SLC35F4: variants seen among roughly 807,000 people sequenced by gnomAD.
SLC35F4 encodes solute carrier family 35 member F4, also known as chromosome 14 open reading frame 36.
Under a neutral mutation model 44.2 loss-of-function variants are expected in SLC35F4, and 24 were observed. That is an observed-to-expected ratio of 0.54 (90% confidence interval 0.39 to 0.76). The LOEUF (loss-of-function observed/expected upper bound fraction) is 0.76, where lower values mean the gene tolerates loss of function less well. Among genes scored for constraint, SLC35F4 ranks in the 30% least tolerant of loss-of-function variants. The pLI is 0.00. For synonymous variants in SLC35F4, 238 were observed against 223.6 expected, an observed-to-expected ratio of 1.06 and a Z score of -0.57; for missense variants, 562 against 586.1, an observed-to-expected ratio of 0.96 and a Z score of 0.42.
chr14:57,746,894 G>T (rs1336273068), intron 1 of SLC35F4, among the ~76,000 whole-genome samples: 1 of 152,172 alleles, frequency 6.6e-6, no homozygotes, highest in Admixed American at 6.5e-5. Context: ...GGGACCACAT[G>T]TCTGGATTCA....
chr14:57,924,046 T>C (rs570405395), intron 1 of SLC35F4, among the ~76,000 whole-genome samples: 52 of 152,314 alleles, frequency 3.4e-4, no homozygotes, highest in African/African-American at 1.0e-3. Flanking sequence ...GGAGTTTCCC[T>C]GTACAGGCTC....
At chr14:57,918,247 A>C (rs1221262207) in intron 1 of SLC35F4, among the ~76,000 whole-genome samples, 1 of 151,970 alleles carries the variant, frequency 6.6e-6, no homozygotes, top group Non-Finnish European at 1.5e-5. Context: ...CCTTTCTATG[A>C]CTCGGTCTCC....
intron 4 of SLC35F4, chr14:57,580,478 G>T: frequency 2.9e-6 from 1 of 345,984 alleles, no homozygotes; most frequent in East Asian, 8.9e-5. Context: ...GTTCATCATA[G>T]TGGCATGCCG....
intron 1 of SLC35F4, among the ~76,000 whole-genome samples, chr14:57,756,853 G>A (rs1018283538): frequency 4.6e-5 from 7 of 151,636 alleles, no homozygotes; most frequent in Admixed American, 4.6e-4. Flanking sequence ...GTAGAGACAG[G>A]TTTTCACCAT....
At chr14:57,673,932 C>G (rs1427853207) in intron 1 of SLC35F4, among the ~76,000 whole-genome samples, 1 of 151,952 alleles carries the variant, frequency 6.6e-6, no homozygotes, top group Non-Finnish European at 1.5e-5. Flanking sequence ...ATACAGTAAA[C>G]AACCCTCAAA....
chr14:57,857,082 C>T (rs1314757339), intron 1 of SLC35F4, among the ~76,000 whole-genome samples: 1 of 151,934 alleles, frequency 6.6e-6, no homozygotes, highest in African/African-American at 2.4e-5. Context: ...TCGAGACCAG[C>T]CCGGCCAACA....
chr14:57,801,701 G>A (rs1289213144), intron 1 of SLC35F4, among the ~76,000 whole-genome samples: 3 of 152,120 alleles, frequency 2.0e-5, no homozygotes, highest in Non-Finnish European at 2.9e-5. Context: ...TGACAAAACA[G>A]ACATTAAACC....
chr14:57,976,801 G>C (rs1371973089), exon 2 of SLC35F4: 1 of 152,194 alleles, frequency 6.6e-6, no homozygotes, highest in East Asian at 1.9e-4. Context: ...GATCAAAAGA[G>C]GTTCACATTT....
chr14:57,969,657 TA>T (rs1217395400), intron 1 of SLC35F4, among the ~76,000 whole-genome samples: 1 of 152,232 alleles, frequency 6.6e-6, no homozygotes, highest in Non-Finnish European at 1.5e-5. Context: ...CATTCATAGT[TA>T]ACTTATGGCT....
rs546692584 is a variant in SLC35F4, at chr14:57,564,123, A to G, written c.*12T>C. On this transcript the variant is annotated 3_prime_UTR_variant, in exon 8 of 8. Coordinates refer to ENST00000556826, the MANE Select transcript of SLC35F4 (RefSeq NM_001306087.2). Reference sequence around the variant, plus strand: ...GAATATACATACACGTGCATTCAAAATATGTCCCTCTCTAAGCCAGTGGTA... The same window carrying G: ...GAATATACATACACGTGCATTCAAAGTATGTCCCTCTCTAAGCCAGTGGTA... 1.5e-5 allele frequency: 24 copies of G among 1,613,252 alleles called. No individual in the cohort carries two copies. The East Asian group carries it at 4.9e-4, about 33-fold the overall frequency.
intron 5 of SLC35F4, among the ~76,000 whole-genome samples, chr14:57,570,237 G>C (rs535790367): frequency 3.1e-4 from 47 of 152,296 alleles, no homozygotes; most frequent in African/African-American, 1.1e-3. Flanking sequence ...ATTGTGTTTA[G>C]TGCCACCATC....
intron 1 of SLC35F4, among the ~76,000 whole-genome samples, chr14:57,727,696 G>T (rs142035836): frequency 2.1e-4 from 32 of 152,160 alleles, no homozygotes; most frequent in African/African-American, 7.7e-4. Flanking sequence ...TTTATAGTTT[G>T]CAATATCTTG....
chr14:57,798,372 C>T (rs1172636980), intron 1 of SLC35F4, among the ~76,000 whole-genome samples: 2 of 151,996 alleles, frequency 1.3e-5, no homozygotes, highest in Non-Finnish European at 2.9e-5. Flanking sequence ...AAACCATACA[C>T]GAACGACAGC....
intron 1 of SLC35F4, among the ~76,000 whole-genome samples, chr14:57,675,087 A>G (rs1020772772): frequency 1.3e-5 from 2 of 152,092 alleles, no homozygotes; most frequent in African/African-American, 2.4e-5. Context: ...CAGCAAATTC[A>G]TTTATGGTAG....
chr14:57,564,343 T>C lies in SLC35F4; in HGVS notation c.1250A>G (p.Asn417Ser), dbSNP rs569519209. 62 of 1,610,048 alleles carry C rather than the reference T, an allele frequency of 3.9e-5. No individual in the cohort carries two copies. Among genetic ancestry groups the C allele is most frequent in the Admixed American group, 1.5e-4 (9 of 59,420 alleles). Residue 417 changes from asparagine to serine, a missense_variant, in exon 8 of 8, where the codon AAT (asparagine) becomes AGT (serine). Physicochemically the swap from Asn to Ser is conservative, Grantham distance 46. Transcript: ENST00000556826. Reference protein sequence around the residue: ...VDLLKQEVIFNVVRLAATIII... With the variant: ...VDLLKQEVIFSVVRLAATIII... ...GATGGTAGCAGCCAGGCGGACAACA[T>C]TGAATATCACCTCCTGCTTTAGGAG...
intron 1 of SLC35F4, among the ~76,000 whole-genome samples, chr14:57,674,865 G>C (rs970643014): frequency 2.6e-5 from 4 of 152,072 alleles, no homozygotes; most frequent in African/African-American, 9.7e-5. Context: ...GGATCCCTAA[G>C]CTTAGTGAAC....
At chr14:57,684,050 A>G (rs1020033302) in intron 1 of SLC35F4, among the ~76,000 whole-genome samples, 2 of 152,086 alleles carry the variant, frequency 1.3e-5, no homozygotes, top group Non-Finnish European at 2.9e-5. Context: ...TCAGTGAGCA[A>G]GCCTCTCCAG....
At chr14:57,612,521 C>T (rs1197151671) in intron 1 of SLC35F4, among the ~76,000 whole-genome samples, 1 of 152,206 alleles carries the variant, frequency 6.6e-6, no homozygotes, top group East Asian at 1.9e-4. Context: ...TTAACCTAAC[C>T]ACACCATATT....
chr14:57,802,985 C>CAAAAAAAAAAAAAA (rs59647111), intron 1 of SLC35F4, among the ~76,000 whole-genome samples: 1 of 71,318 alleles, frequency 1.4e-5, no homozygotes, highest in Non-Finnish European at 2.6e-5. Context: ...GCAGAGATAC[C>CAAAAAAAAAAAAAA]AAAAAAAAAA....
Sources: gnomAD v4.1 joint callset for allele counts (sites outside exome capture counted in the v4.1 genomes callset) on GRCh38, gnomAD v4.1.1 for gene constraint, MANE v1.5 for transcripts, NCBI Gene and HGNC (gene_info 2026-07-23, HGNC 2026-07-21) for gene names.